The following PIP5K1B variants were observed in gnomAD, a reference collection of about 807,000 sequenced individuals.
The protein encoded by PIP5K1B is phosphatidylinositol-4-phosphate 5-kinase type 1 beta, also known as phosphatidylinositol 4-phosphate 5-kinase type-1 beta.
In PIP5K1B, 42 loss-of-function variants were observed where a neutral mutation model predicts 67.0. The observed-to-expected ratio is 0.63, with a 90% confidence interval of 0.49 to 0.81. PIP5K1B has a LOEUF of 0.81. Among genes scored for constraint, PIP5K1B ranks in the 30% least tolerant of loss-of-function variants. PIP5K1B has a pLI of 0.00. For missense variants in PIP5K1B, 459 were observed against 646.3 expected (o/e 0.71, Z 3.14); for synonymous variants, 214 against 231.4 (o/e 0.92, Z 0.68).
At chr9:68,831,516 A>T (rs998790034) in intron 4 of PIP5K1B, among the ~76,000 whole-genome samples, 1 of 152,128 alleles carries the variant, frequency 6.6e-6, no homozygotes, top group African/African-American at 2.4e-5. Flanking sequence ...TTTCTTCAGG[A>T]TCTGTAAGAC....
chr9:68,891,791 T>C (rs1318521765), intron 7 of PIP5K1B, among the ~76,000 whole-genome samples: 1 of 152,032 alleles, frequency 6.6e-6, no homozygotes, highest in Non-Finnish European at 1.5e-5. Context: ...AAAAGGTAAA[T>C]CTACAAAATC....
rs180894113 is a variant in PIP5K1B, at chr9:68,712,005, A to G, written c.-243+6243A>G. Reference sequence around the variant, plus strand: ...GTTCACTTGTCACAGGGATACTGATACAGTTTTGACGTTTGTCCCTTCCAA... The same window carrying G: ...GTTCACTTGTCACAGGGATACTGATGCAGTTTTGACGTTTGTCCCTTCCAA... On this transcript the variant is annotated intron_variant, in intron 1 of 15. Coordinates refer to ENST00000265382, the MANE Select transcript of PIP5K1B (RefSeq NM_003558.4). Among the ~76,000 whole-genome samples the G allele has an allele frequency of 5.6e-4, 85 of 152,302 alleles. No individual in the cohort carries two copies. The South Asian group carries it at 9.8e-3, about 17-fold the overall frequency.
chr9:68,822,369 C>A, intron 3 of PIP5K1B: 3 of 350,226 alleles, frequency 8.6e-6, no homozygotes, highest in Admixed American at 4.7e-5. Context: ...TACACATGTA[C>A]ATGCTTTCTT....
chr9:68,816,285 C>G (rs1833443246), intron 2 of PIP5K1B, among the ~76,000 whole-genome samples: 1 of 152,096 alleles, frequency 6.6e-6, no homozygotes, highest in African/African-American at 2.4e-5. Flanking sequence ...CCTGCCACCC[C>G]ACCCAGCTAG....
intron 8 of PIP5K1B, among the ~76,000 whole-genome samples, chr9:68,897,353 C>T (rs140065925): frequency 6.6e-6 from 1 of 152,136 alleles, no homozygotes; most frequent in African/African-American, 2.4e-5. Context: ...ATGAGGTGCA[C>T]GACCTTTATT....
chr9:68,938,911 C>G (rs1461907369), intron 13 of PIP5K1B, among the ~76,000 whole-genome samples: 3 of 152,204 alleles, frequency 2.0e-5, no homozygotes, highest in South Asian at 4.1e-4. Context: ...TCTCTGACCT[C>G]TAGACCCAGA....
rs376024074 is a variant in PIP5K1B at position 68,851,975 on chromosome 9, G to A, written c.70-11862G>A. Among the ~76,000 whole-genome samples the A allele has an allele frequency of 4.6e-5, 7 of 152,136 alleles. No individual in the cohort carries two copies. The East Asian group carries it at 5.8e-4, about 13-fold the overall frequency. On this transcript the variant is annotated intron_variant, in intron 4 of 15. Transcript: ENST00000265382. Reference sequence around the variant, plus strand: ...AGTTAAAGGATGACACACTTAAATCGGATAATTTGGAAGGAATTTAAGAGG... The same window carrying A: ...AGTTAAAGGATGACACACTTAAATCAGATAATTTGGAAGGAATTTAAGAGG...
intron 2 of PIP5K1B, among the ~76,000 whole-genome samples, chr9:68,759,498 C>A (rs1424300570): frequency 6.6e-6 from 1 of 151,588 alleles, no homozygotes; most frequent in East Asian, 1.9e-4. Context: ...TACAAGTAAC[C>A]CAAAAGAAGG....
intron 6 of PIP5K1B, among the ~76,000 whole-genome samples, chr9:68,879,647 T>A (rs950348543): frequency 2.0e-5 from 3 of 152,168 alleles, no homozygotes; most frequent in African/African-American, 7.2e-5. Context: ...CTATTCTACA[T>A]GGTGACTATA....
At chr9:68,764,589 T>C (rs533957160) in intron 2 of PIP5K1B, among the ~76,000 whole-genome samples, 90 of 152,234 alleles carry the variant, frequency 5.9e-4, no homozygotes, top group African/African-American at 2.0e-3. Context: ...GATATAAACA[T>C]TTATTTTACT....
chr9:68,881,037 A>G (rs1824177564), intron 6 of PIP5K1B, among the ~76,000 whole-genome samples: 1 of 152,192 alleles, frequency 6.6e-6, no homozygotes, highest in Non-Finnish European at 1.5e-5. Flanking sequence ...TCAATCCTTC[A>G]TTTTACAGAT....
At chr9:68,838,648 G>C (rs1411001462) in intron 4 of PIP5K1B, among the ~76,000 whole-genome samples, 1 of 152,126 alleles carries the variant, frequency 6.6e-6, no homozygotes, top group Non-Finnish European at 1.5e-5. Context: ...ATTGAATACT[G>C]TACTCAGTAA....
intron 3 of PIP5K1B, among the ~76,000 whole-genome samples, chr9:68,821,817 C>T (rs1833744704): frequency 6.6e-6 from 1 of 152,176 alleles, no homozygotes; most frequent in South Asian, 2.1e-4. Context: ...CCTCAACTAT[C>T]CTTCAATATT....
At chr9:68,717,495 T>C (rs1261520310) in intron 1 of PIP5K1B, among the ~76,000 whole-genome samples, 2 of 152,190 alleles carry the variant, frequency 1.3e-5, no homozygotes, top group Non-Finnish European at 2.9e-5. Flanking sequence ...TTATTTCTCA[T>C]AGTTCTGGAG....
chr9:68,780,084 C>CATTAAA, intron 2 of PIP5K1B: 2 of 1,388,964 alleles, frequency 1.4e-6, no homozygotes, highest in Non-Finnish European at 1.9e-6. Flanking sequence ...GTGGCGGCGG[C>CATTAAA]AGCGGCGGCG....
chr9:68,802,814 G>A (rs139143154), intron 2 of PIP5K1B, among the ~76,000 whole-genome samples: 1 of 152,194 alleles, frequency 6.6e-6, no homozygotes, highest in East Asian at 1.9e-4. Flanking sequence ...GAGGAGATAT[G>A]AGAGTCGTGA....
intron 14 of PIP5K1B, among the ~76,000 whole-genome samples, chr9:68,967,603 C>T (rs1018514307): frequency 2.6e-5 from 4 of 152,138 alleles, no homozygotes; most frequent in African/African-American, 9.7e-5. Flanking sequence ...TAATATTTAT[C>T]GAGCCTCTAC....
intron 8 of PIP5K1B, among the ~76,000 whole-genome samples, chr9:68,916,022 T>A (rs1826075422): frequency 6.6e-6 from 1 of 152,182 alleles, no homozygotes; most frequent in Non-Finnish European, 1.5e-5. Context: ...GCAGTTGGGC[T>A]GAACAAGAAC....
chr9:68,787,847 G>T (rs1311610582), intron 2 of PIP5K1B, among the ~76,000 whole-genome samples: 3 of 152,156 alleles, frequency 2.0e-5, no homozygotes, highest in Non-Finnish European at 2.9e-5. Context: ...TGGCCAGGCT[G>T]GTCTCAATCT....
Sources: gnomAD v4.1 joint callset for allele counts (sites outside exome capture counted in the v4.1 genomes callset) on GRCh38, gnomAD v4.1.1 for gene constraint, MANE v1.5 for transcripts, NCBI Gene and HGNC (gene_info 2026-07-23, HGNC 2026-07-21) for gene names.